Variants in NUGGC observed in about 807,000 individuals in gnomAD.
The protein encoded by NUGGC is nuclear GTPase SLIP-GC.
A neutral mutation model predicts 92.6 loss-of-function variants in NUGGC; 58 were observed. The observed-to-expected ratio is 0.63, with a 90% CI of 0.51 to 0.78. The LOEUF (loss-of-function observed/expected upper bound fraction) is 0.78, where lower values mean the gene tolerates loss of function less well. Ranked by LOEUF, NUGGC falls within the 30% of genes least tolerant of loss-of-function variation. NUGGC has a pLI of 0.00. For missense variants in NUGGC, 925 were observed against 964.6 expected, an observed-to-expected ratio of 0.96 and a Z score of 0.54; for synonymous variants, 376 against 366.4, an observed-to-expected ratio of 1.03 and a Z score of -0.30.
intron 1 of NUGGC, among the ~76,000 whole-genome samples, chr8:28,075,768 G>A (rs1451933659): frequency 2.0e-5 from 3 of 152,216 alleles, no homozygotes; most frequent in Non-Finnish European, 4.4e-5. Context: ...AACGGCTTCT[G>A]TATTTGGTGG....
intron 7 of NUGGC, among the ~76,000 whole-genome samples, chr8:28,063,364 C>A (rs924186508): frequency 6.6e-6 from 1 of 152,216 alleles, no homozygotes; most frequent in African/African-American, 2.4e-5. Context: ...CGGCTCCATC[C>A]AGCGAGAGGC....
At chr8:28,076,493 C>T (rs1810725317) in intron 1 of NUGGC, among the ~76,000 whole-genome samples, 1 of 152,306 alleles carries the variant, frequency 6.6e-6, no homozygotes, top group East Asian at 1.9e-4. Flanking sequence ...GATGGGGTTT[C>T]ACCATGTTGG....
At chr8:28,055,764 C>T (rs111232211) in intron 10 of NUGGC, among the ~76,000 whole-genome samples, 4 of 152,280 alleles carry the variant, frequency 2.6e-5, no homozygotes, top group African/African-American at 9.6e-5. Context: ...GCCTGGGAGG[C>T]AGAGGTTGCA....
rs780990815 is a variant in NUGGC, at chr8:28,068,210, A to G, written c.480+6T>C. ...GGAAGGAAGGAGGGAGGAAGGGAACACTTACCTGGTCAGACAGAAGGTGGA... is the reference window on the plus strand; with the variant it reads ...GGAAGGAAGGAGGGAGGAAGGGAACGCTTACCTGGTCAGACAGAAGGTGGA... On this transcript the variant is annotated splice_donor_region_variant and intron_variant, in intron 5 of 18. Transcript: ENST00000413272. 38 of 1,530,068 alleles carry G rather than the reference A, an allele frequency of 2.5e-5. No individual in the cohort carries two copies. The African/African-American group carries it at 5.1e-4, about 21-fold the overall frequency. 94.8% of individuals were successfully genotyped at this position (1,530,068 alleles called of 1,614,324 possible).
intron 2 of NUGGC, among the ~76,000 whole-genome samples, chr8:28,073,353 C>T (rs1810638142): frequency 6.6e-6 from 1 of 151,938 alleles, no homozygotes; most frequent in South Asian, 2.1e-4. Context: ...TCCCATTCCT[C>T]TAGGCTAAGC....
At chr8:28,060,151 C>G in intron 8 of NUGGC, 1 of 569,294 alleles carries the variant, frequency 1.8e-6, no homozygotes, top group Non-Finnish European at 3.3e-6. Context: ...GGTACACCAT[C>G]TGCATCTGGT....
intron 2 of NUGGC, among the ~76,000 whole-genome samples, chr8:28,071,958 G>A (rs998005251): frequency 6.6e-6 from 1 of 152,112 alleles, no homozygotes; most frequent in Non-Finnish European, 1.5e-5. Flanking sequence ...TCCAAGAACG[G>A]CAGCCCACAC....
In NUGGC at chr8:28,060,556, G is replaced by A. The variant is rs1324611463; in HGVS notation, c.967C>T (p.Arg323Ter). The change falls in exon 8 of 19, where the codon CGA (arginine) becomes TGA (stop). Residue 323 changes from arginine (R) to a stop codon, truncating the protein, a stop_gained. Coordinates refer to ENST00000413272, the MANE Select transcript of NUGGC (RefSeq NM_001010906.2). LOFTEE classifies it high-confidence loss of function. ...SVIWVISDIE[R>*]VSGGQAHEDL... ...TCGTGGGCTTGCCCCCCAGAAACTC[G>A]CTCTATGTCGCTGATCACCCAGATC... 9 of 1,613,388 alleles carry A rather than the reference G, an allele frequency of 5.6e-6. No individual in the cohort carries two copies. The highest frequency in any genetic ancestry group is 3.3e-5 in the Admixed American group (2 of 59,860).
intron 11 of NUGGC, among the ~76,000 whole-genome samples, chr8:28,046,844 T>A (rs1247380066): frequency 6.6e-6 from 1 of 151,028 alleles, no homozygotes; most frequent in Non-Finnish European, 1.5e-5. Flanking sequence ...ATTTTTGTAT[T>A]TTTTAGTAGA....
intron 10 of NUGGC, among the ~76,000 whole-genome samples, chr8:28,049,866 G>C (rs983307961): frequency 6.6e-6 from 1 of 151,620 alleles, no homozygotes; most frequent in Non-Finnish European, 1.5e-5. Context: ...CAGGTGGATT[G>C]CCTAAGCTCA....
intron 5 of NUGGC, 88 bp from the exon 6 acceptor site, chr8:28,067,832 G>T: frequency 1.0e-6 from 1 of 986,644 alleles, no homozygotes; most frequent in Non-Finnish European, 1.5e-6. Context: ...CCTGTGGAGG[G>T]CCAGGGGGCT....
intron 2 of NUGGC, among the ~76,000 whole-genome samples, chr8:28,073,562 T>G (rs1173698565): frequency 1.3e-5 from 2 of 152,164 alleles, no homozygotes; most frequent in South Asian, 4.1e-4. Context: ...TTTCTGCAAC[T>G]GGGGGTTATA....
In NUGGC at chr8:28,027,007, C is replaced by T. The variant is rs754104946; in HGVS notation, c.2200G>A (p.Ala734Thr). The T allele has an allele frequency of 1.2e-6, 2 of 1,613,872 alleles. No individual in the cohort carries two copies. The highest frequency in any genetic ancestry group is 1.7e-5 in the Admixed American group (1 of 60,030). Residue 734 changes from alanine to threonine, a missense_variant, in exon 18 of 19, where the codon GCC becomes ACC. Transcript: ENST00000413272. ...CCATCCCCCTGGGACGAAGCAAGGG[C>T]CAGCATAGTGGTGATGCTGCCCTTC... ...KVKGSITTML[A>T]LASSQGDGLY...
Position 28,030,480 on chromosome 8 carries a change from G to A in NUGGC, c.1909-62C>T, listed in dbSNP as rs1585553947. On this transcript the variant is annotated intron_variant, in intron 15 of 18. Transcript: ENST00000413272. Reference sequence around the variant, plus strand: ...TTCCTTCAATGGAAGCAGGTCAGGTGTCCCAGTGCATGGCCACCATTCCCT... The same window carrying A: ...TTCCTTCAATGGAAGCAGGTCAGGTATCCCAGTGCATGGCCACCATTCCCT... 33 of 848,304 alleles carry A rather than the reference G, an allele frequency of 3.9e-5. No individual in the cohort carries two copies. The South Asian group carries it at 4.0e-4, about 10-fold the overall frequency. The allele number at this position is 848,304 out of a possible 1,614,324, so 52.5% of individuals were successfully genotyped here. A position where few individuals can be genotyped will look rare whatever the true frequency, so the allele number is the denominator to read the frequency against.
chr8:28,056,133 T>G, intron 9 of NUGGC, 79 bp from the exon 10 acceptor site: 1 of 778,540 alleles, frequency 1.3e-6, no homozygotes, highest in East Asian at 2.7e-5. Context: ...CACATTTTTT[T>G]GGCAGATTTT....
At chr8:28,045,484 G>C in intron 12 of NUGGC, 43 bp downstream of exon 12, 1 of 1,586,720 alleles carries the variant, frequency 6.3e-7, no homozygotes, top group East Asian at 2.3e-5. Context: ...GAAATGTCCT[G>C]CCCAGGAAGG....
intron 7 of NUGGC, among the ~76,000 whole-genome samples, chr8:28,064,095 C>T (rs1810376861): frequency 6.6e-6 from 1 of 152,182 alleles, no homozygotes; most frequent in Non-Finnish European, 1.5e-5. Context: ...TCACCCTGCC[C>T]CCACCACGCC....
At chr8:28,042,747 A>G (rs1809731626) in intron 12 of NUGGC, among the ~76,000 whole-genome samples, 1 of 152,226 alleles carries the variant, frequency 6.6e-6, no homozygotes, top group Admixed American at 6.5e-5. Flanking sequence ...AGCAAAACCC[A>G]TAGACATTTG....
rs1224361487 is a variant in NUGGC, at chr8:28,056,204, C to T, written c.1117-150G>A. 7.4e-6 allele frequency: 4 copies of T among 542,688 alleles called. No homozygotes were observed. The Admixed American group carries it at 1.1e-4, about 15-fold the overall frequency. The allele number at this position is 542,688 out of a possible 1,614,324, so 33.6% of individuals were successfully genotyped here. On this transcript the variant is annotated intron_variant, in intron 9 of 18. Coordinates refer to ENST00000413272, the MANE Select transcript of NUGGC (RefSeq NM_001010906.2). The stretch of plus-strand genomic sequence containing the variant: ...ATTAGAATTATACACAGTTGCCGGG[C>T]ACGGTGGCTCATGCCTGTAATCCTA...
Sources: gnomAD v4.1 joint callset for allele counts (sites outside exome capture counted in the v4.1 genomes callset) on GRCh38, gnomAD v4.1.1 for gene constraint, MANE v1.5 for transcripts, NCBI Gene and HGNC (gene_info 2026-07-23, HGNC 2026-07-21) for gene names.